MAPKAPK2: variants seen among roughly 807,000 people sequenced by gnomAD.
The protein encoded by MAPKAPK2 is MAPK activated protein kinase 2, also known as MAP kinase-activated protein kinase 2.
In MAPKAPK2, 9 loss-of-function variants were observed where a neutral mutation model predicts 48.8. That is an observed-to-expected ratio of 0.18 (90% CI 0.11 to 0.32). The LOEUF is 0.32. Among genes scored for constraint, MAPKAPK2 ranks in the 10% least tolerant of loss-of-function variants. MAPKAPK2 has a pLI of 1.00. For synonymous variants in MAPKAPK2, 202 were observed against 190.6 expected, an observed-to-expected ratio of 1.06 and a Z score of -0.49; for missense variants, 331 against 498.3, an observed-to-expected ratio of 0.66 and a Z score of 3.20.
At chr1:206,719,729 A>G (rs1673455406) in intron 1 of MAPKAPK2, among the ~76,000 whole-genome samples, 1 of 152,186 alleles carries the variant, frequency 6.6e-6, no homozygotes, top group Non-Finnish European at 1.5e-5. Context: ...TATGCTTCCA[A>G]GCTGGGCTAA....
At chr1:206,712,846 G>A (rs559498570) in intron 1 of MAPKAPK2, among the ~76,000 whole-genome samples, 10 of 151,990 alleles carry the variant, frequency 6.6e-5, no homozygotes, top group African/African-American at 2.4e-4. Flanking sequence ...GGCGCCTGTA[G>A]TCCCAGCTAC....
intron 1 of MAPKAPK2, chr1:206,695,967 GT>G (rs1398774537): frequency 1.4e-6 from 1 of 723,106 alleles, no homozygotes; most frequent in Non-Finnish European, 2.6e-6. Flanking sequence ...AGGGGTCTTG[GT>G]TCTACTTCCT....
At chr1:206,694,272 C>A (rs1672547976) in intron 1 of MAPKAPK2, among the ~76,000 whole-genome samples, 1 of 152,158 alleles carries the variant, frequency 6.6e-6, no homozygotes, top group South Asian at 2.1e-4. Flanking sequence ...ATGGCAATGA[C>A]AACCAAGACA....
rs187652025 is a variant in MAPKAPK2 at position 206,732,313 on chromosome 1, C to T, written c.1060-262C>T. ...GTTTCCTGACTCCTGGCCCAAGTCTCTTCCTCCTATCCTGCGGGATCACTG... is the reference window on the plus strand; with the variant it reads ...GTTTCCTGACTCCTGGCCCAAGTCTTTTCCTCCTATCCTGCGGGATCACTG... On this transcript the variant is annotated intron_variant, in intron 9 of 9. Coordinates refer to ENST00000367103, the MANE Select transcript of MAPKAPK2 (RefSeq NM_032960.4). The surrounding 1 kb of genome is among the most constrained non-coding windows in gnomAD (Gnocchi z 4.4). 5.4e-3 allele frequency: 7,828 copies of T among 1,446,018 alleles called. 32 individuals carry two copies. Among genetic ancestry groups the T allele is most frequent in the Non-Finnish European group, 5.7e-3 (6,254 of 1,103,934 alleles). 89.6% of individuals were successfully genotyped at this position (1,446,018 alleles called of 1,614,324 possible).
chr1:206,699,652 C>T (rs1213905905), intron 1 of MAPKAPK2, among the ~76,000 whole-genome samples: 1 of 152,190 alleles, frequency 6.6e-6, no homozygotes, highest in African/African-American at 2.4e-5. Flanking sequence ...TTTTATCCTC[C>T]TTTGGGCCCT....
chr1:206,724,610 A>C (rs1673648195), intron 1 of MAPKAPK2, among the ~76,000 whole-genome samples: 1 of 149,880 alleles, frequency 6.7e-6, no homozygotes, highest in Admixed American at 6.7e-5. Context: ...CAGGATGTGC[A>C]ATGACCAGTC....
intron 5 of MAPKAPK2, 83 bp from the exon 6 acceptor site, chr1:206,730,605 A>T (rs1334261844): frequency 8.4e-7 from 1 of 1,196,192 alleles, no homozygotes; most frequent in East Asian, 2.3e-5. Flanking sequence ...AAAGGTTGGG[A>T]TGGGGAGCAT....
intron 1 of MAPKAPK2, among the ~76,000 whole-genome samples, chr1:206,699,804 A>G (rs1553427612): frequency 6.6e-6 from 1 of 152,168 alleles, no homozygotes; most frequent in African/African-American, 2.4e-5. Flanking sequence ...AACAGAGGTC[A>G]GGGCTTGGGA....
chr1:206,707,905 G>A (rs1673015857), intron 1 of MAPKAPK2, among the ~76,000 whole-genome samples: 1 of 152,188 alleles, frequency 6.6e-6, no homozygotes, highest in South Asian at 2.1e-4. Context: ...TGCTGAAGCT[G>A]TAATTGTGTC....
At chr1:206,718,313 C>T (rs1483564190) in intron 1 of MAPKAPK2, among the ~76,000 whole-genome samples, 3 of 152,086 alleles carry the variant, frequency 2.0e-5, no homozygotes, top group African/African-American at 4.8e-5. Flanking sequence ...GGGCAGATCA[C>T]GAGGTCAGGA....
chr1:206,696,564 T>C (rs1193461226), intron 1 of MAPKAPK2, among the ~76,000 whole-genome samples: 1 of 152,116 alleles, frequency 6.6e-6, no homozygotes, highest in Non-Finnish European at 1.5e-5. Flanking sequence ...GTTAGCCAGC[T>C]GTGGTGGCAC....
Position 206,732,807 on chromosome 1 carries a change from C to A in MAPKAPK2, c.*89C>A. On this transcript the variant is annotated 3_prime_UTR_variant, in exon 10 of 10. Transcript: ENST00000367103. This position sits in a 1 kb window ranked among gnomAD's most constrained non-coding sequence, Gnocchi z 4.4. ...AACGAAGAGACAGAACTGTCCACAT[C>A]TGCCTCCTCTCCTCCTCAGCTGCAT... 1 of 1,437,982 alleles carries A rather than the reference C, an allele frequency of 7.0e-7. No homozygotes were observed. Among genetic ancestry groups the A allele is most frequent in the South Asian group, 1.3e-5 (1 of 78,316 alleles). The allele number at this position is 1,437,982 out of a possible 1,614,324, so 89.1% of individuals were successfully genotyped here. A position where few individuals can be genotyped will look rare whatever the true frequency, so the allele number is the denominator to read the frequency against.
At chr1:206,709,243 G>T (rs1362042513) in intron 1 of MAPKAPK2, among the ~76,000 whole-genome samples, 1 of 152,108 alleles carries the variant, frequency 6.6e-6, no homozygotes, top group Non-Finnish European at 1.5e-5. Flanking sequence ...TGCTCCTTCA[G>T]GGTTTCTCTT....
At chr1:206,716,241 G>A (rs1673331502) in intron 1 of MAPKAPK2, among the ~76,000 whole-genome samples, 1 of 152,054 alleles carries the variant, frequency 6.6e-6, no homozygotes, top group South Asian at 2.1e-4. Context: ...TGCCCTGCTC[G>A]TAGCAGAAGG....
intron 1 of MAPKAPK2, among the ~76,000 whole-genome samples, chr1:206,692,342 C>T (rs1240446115): frequency 2.6e-5 from 4 of 152,200 alleles, no homozygotes; most frequent in African/African-American, 9.7e-5. Flanking sequence ...ATTCAGGTGA[C>T]CCTCAGCCCC....
chr1:206,689,049 A>G (rs1672373859), intron 1 of MAPKAPK2, among the ~76,000 whole-genome samples: 1 of 152,192 alleles, frequency 6.6e-6, no homozygotes, highest in Non-Finnish European at 1.5e-5. Flanking sequence ...GGTGACCCTT[A>G]GGTGTTAGCT....
intron 1 of MAPKAPK2, among the ~76,000 whole-genome samples, chr1:206,702,221 G>A (rs1235796058): frequency 6.6e-6 from 1 of 152,156 alleles, no homozygotes; most frequent in African/African-American, 2.4e-5. Context: ...GTTCTTTGAG[G>A]TCATGAAATC....
chr1:206,688,568 C>CT (rs1185262152), intron 1 of MAPKAPK2, among the ~76,000 whole-genome samples: 1 of 152,198 alleles, frequency 6.6e-6, no homozygotes, highest in East Asian at 1.9e-4. Context: ...CTCCCTCCCC[C>CT]TTTTAAGAGA....
Position 206,729,028 on chromosome 1 carries a change from A to G in MAPKAPK2, c.420-7A>G, listed in dbSNP as rs782706809. The stretch of plus-strand genomic sequence containing the variant: ...GTTCTCTGGATCTCACTGTGGCTTC[A>G]TTTCAGTTTGGACGGTGGAGAACTC... On this transcript the variant is annotated splice_region_variant and splice_polypyrimidine_tract_variant and intron_variant, in intron 2 of 9. Coordinates refer to ENST00000367103, the MANE Select transcript of MAPKAPK2 (RefSeq NM_032960.4). The G allele has an allele frequency of 7.4e-6, 12 of 1,614,132 alleles. No individual in the cohort carries two copies. Among genetic ancestry groups the G allele is most frequent in the Admixed American group, 6.7e-5 (4 of 60,030 alleles).
Sources: allele counts gnomAD v4.1 joint callset (sites outside exome capture counted in the v4.1 genomes callset), GRCh38; gene constraint gnomAD v4.1.1; non-coding constraint Gnocchi (gnomAD v3.1); transcripts MANE v1.5; gene names NCBI Gene and HGNC (gene_info 2026-07-23, HGNC 2026-07-21).